The following ACTR3C variants were observed in gnomAD, a reference collection of about 807,000 sequenced individuals.
ACTR3C encodes actin-related protein 3C.
Under a neutral mutation model 26.3 loss-of-function variants are expected in ACTR3C, and 18 were observed. The observed-to-expected ratio is 0.68, with a 90% CI of 0.47 to 1.01. The LOEUF (loss-of-function observed/expected upper bound fraction) is 1.01, where lower values mean the gene tolerates loss of function less well. Ranked by LOEUF, ACTR3C falls within the 50% of genes least tolerant of loss-of-function variation. ACTR3C has a pLI of 0.00. For missense variants in ACTR3C, 184 were observed against 250.7 expected, an observed-to-expected ratio of 0.73 and a Z score of 1.80; for synonymous variants, 55 against 94.5, an observed-to-expected ratio of 0.58 and a Z score of 2.42.
At chr7:150,023,136 T>G in the ACTR3C span, among the ~76,000 whole-genome samples, 1 of 146,942 alleles carries the variant, frequency 6.8e-6, no homozygotes, top group Middle Eastern at 3.6e-3. Context: ...TCTATATACA[T>G]ATATATAGAT....
chr7:150,197,949 TC>T, the ACTR3C span, among the ~76,000 whole-genome samples: 7 of 145,808 alleles, frequency 4.8e-5, 1 homozygote, highest in Admixed American at 2.1e-4. Flanking sequence ...CACTGCAACC[TC>T]CCTGCCTGAT....
chr7:150,208,648 A>T, the ACTR3C span, among the ~76,000 whole-genome samples: 17 of 152,228 alleles, frequency 1.1e-4, no homozygotes, highest in African/African-American at 3.9e-4. Context: ...AAGGAATCAG[A>T]TTACTTCCAG....
chr7:150,117,369 C>T, the ACTR3C span, among the ~76,000 whole-genome samples: 9 of 152,312 alleles, frequency 5.9e-5, no homozygotes, highest in African/African-American at 1.2e-4. Context: ...CATCTGAAGT[C>T]GACATGGGAT....
the ACTR3C span, among the ~76,000 whole-genome samples, chr7:150,041,807 C>T: frequency 2.6e-5 from 3 of 113,816 alleles, no homozygotes; most frequent in Admixed American, 1.7e-4. Context: ...GCCTCCCCCC[C>T]TGCGATGGGG....
the ACTR3C span, among the ~76,000 whole-genome samples, chr7:150,186,863 A>G: frequency 6.6e-6 from 1 of 152,192 alleles, no homozygotes; most frequent in Non-Finnish European, 1.5e-5. Flanking sequence ...TAAAGTTGAT[A>G]TCAAGAGGCT....
At chr7:150,210,766 G>A in the ACTR3C span, among the ~76,000 whole-genome samples, 1 of 149,504 alleles carries the variant, frequency 6.7e-6, no homozygotes, top group East Asian at 1.9e-4. Flanking sequence ...TCACAAGGGA[G>A]CATGAGGCAC....
chr7:150,041,712 G>C, the ACTR3C span, among the ~76,000 whole-genome samples: 2 of 146,476 alleles, frequency 1.4e-5, no homozygotes, highest in Non-Finnish European at 3.0e-5. Context: ...CCCTCGCGGG[G>C]GGTGCCTCCC....
chr7:149,932,450 T>C, the ACTR3C span, among the ~76,000 whole-genome samples: 2 of 152,162 alleles, frequency 1.3e-5, no homozygotes, highest in Non-Finnish European at 2.9e-5. Flanking sequence ...CATCTAATCA[T>C]ACCCTTTAAA....
chr7:149,908,326 A>G, the ACTR3C span, among the ~76,000 whole-genome samples: 68 of 152,322 alleles, frequency 4.5e-4, 1 homozygote, highest in South Asian at 0.013. Context: ...TGAATTCAAA[A>G]TGAGGACACA....
the ACTR3C span, among the ~76,000 whole-genome samples, chr7:150,016,394 T>C: frequency 6.6e-6 from 1 of 152,054 alleles, no homozygotes; most frequent in African/African-American, 2.4e-5. Flanking sequence ...AATACACATC[T>C]CATGTTTTCT....
chr7:149,981,710 C>T, the ACTR3C span, among the ~76,000 whole-genome samples: 1 of 151,902 alleles, frequency 6.6e-6, no homozygotes, highest in Non-Finnish European at 1.5e-5. Flanking sequence ...CAGCACTGTT[C>T]CAAGGGCAGC....
chr7:150,146,945 G>C, the ACTR3C span, among the ~76,000 whole-genome samples: 30 of 152,184 alleles, frequency 2.0e-4, no homozygotes, highest in Non-Finnish European at 3.2e-4. Context: ...CTTAAGTCAT[G>C]TACCCATCAA....
At chr7:150,045,374 T>G in the ACTR3C span, among the ~76,000 whole-genome samples, 2 of 152,262 alleles carry the variant, frequency 1.3e-5, no homozygotes, top group Non-Finnish European at 2.9e-5. Context: ...TTTTAAAGGA[T>G]GCAACATTCA....
the ACTR3C span, among the ~76,000 whole-genome samples, chr7:150,035,017 A>AG: frequency 1.1e-3 from 147 of 132,138 alleles, 3 homozygotes; most frequent in Middle Eastern, 5.2e-3. Context: ...CCTCAGAGCC[A>AG]GGGGGGGAAG....
the ACTR3C span, among the ~76,000 whole-genome samples, chr7:150,230,513 G>A: frequency 5.3e-5 from 8 of 152,134 alleles, no homozygotes; most frequent in East Asian, 1.9e-4. Context: ...GAGCATTACC[G>A]CCTGAGCTCC....
chr7:149,967,903 G>A, the ACTR3C span, among the ~76,000 whole-genome samples: 5 of 152,132 alleles, frequency 3.3e-5, no homozygotes, highest in South Asian at 1.0e-3. Flanking sequence ...GGGGGTGGCG[G>A]GTTTTTAAGA....
At chr7:150,141,710 G>A in the ACTR3C span, among the ~76,000 whole-genome samples, 1 of 152,138 alleles carries the variant, frequency 6.6e-6, no homozygotes, top group African/African-American at 2.4e-5. Flanking sequence ...AGCAGGTGAA[G>A]TGATGTATCC....
intron 6 of ACTR3C, among the ~76,000 whole-genome samples, chr7:150,259,385 TA>T (rs1833484688): frequency 6.6e-6 from 1 of 152,278 alleles, no homozygotes; most frequent in East Asian, 1.9e-4. Context: ...GGACTAGATC[TA>T]AAATAATAAA....
chr7:149,941,185 T>C, the ACTR3C span, among the ~76,000 whole-genome samples: 1 of 152,156 alleles, frequency 6.6e-6, no homozygotes, highest in Non-Finnish European at 1.5e-5. Context: ...TCTTCAGGGA[T>C]CAGACACATT....
Sources: allele counts gnomAD v4.1 joint callset (sites outside exome capture counted in the v4.1 genomes callset), GRCh38; gene constraint gnomAD v4.1.1; transcripts MANE v1.5; gene names NCBI Gene and HGNC (gene_info 2026-07-23, HGNC 2026-07-21).